ZCWPW2: variants seen among roughly 807,000 people sequenced by gnomAD.
ZCWPW2 encodes the protein zinc finger CW-type and PWWP domain containing 2.
In ZCWPW2, 45 loss-of-function variants were observed where a neutral mutation model predicts 46.6. The observed-to-expected ratio is 0.96, with a 90% confidence interval of 0.76 to 1.24. The LOEUF (loss-of-function observed/expected upper bound fraction) is 1.24. Ranked by LOEUF, ZCWPW2 falls within the 50% of genes most tolerant of loss-of-function variation. The probability of loss-of-function intolerance (pLI) is 0.00; values close to 1 mark genes in which losing one functional copy is unlikely to be tolerated. For missense variants in ZCWPW2, 429 were observed against 403.9 expected, an observed-to-expected ratio of 1.06 and a Z score of -0.53; for synonymous variants, 152 against 137.1, an observed-to-expected ratio of 1.11 and a Z score of -0.76.
At chr3:28,504,193 A>G (rs747517812) in intron 6 of ZCWPW2, among the ~76,000 whole-genome samples, 15 of 152,092 alleles carry the variant, frequency 9.9e-5, no homozygotes, top group Non-Finnish European at 1.5e-4. Flanking sequence ...GTGAGTCCCT[A>G]TCTCAAATAA....
intron 1 of ZCWPW2, among the ~76,000 whole-genome samples, chr3:28,382,246 G>A (rs1037596675): frequency 2.0e-5 from 3 of 151,580 alleles, no homozygotes; most frequent in Non-Finnish European, 4.4e-5. Context: ...GATCAACCCT[G>A]TTGACAGGAT....
chr3:28,506,333 T>C (rs1175421642), intron 6 of ZCWPW2, among the ~76,000 whole-genome samples: 1 of 151,988 alleles, frequency 6.6e-6, no homozygotes, highest in Non-Finnish European at 1.5e-5. Flanking sequence ...CACAGATTCC[T>C]GGGCCCAGTC....
At position 28,413,231 on chromosome 3, in the gene ZCWPW2, G is replaced by T; in HGVS notation, c.163G>T (p.Asp55Tyr). Residue 55 changes from aspartate to tyrosine, a missense_variant, in exon 3 of 10, where the codon GAT (aspartate) becomes TAT (tyrosine). By Grantham distance (160) the Asp-to-Tyr change is radical. Coordinates refer to ENST00000383768, the MANE Select transcript of ZCWPW2 (RefSeq NM_001040432.4). ...SSEDSAKVDH[D>Y]EPWYCFMNTD... ...TGAGGATTCAGCCAAGGTTGATCATGATGAACCATGGTACTGCTTCATGAA... is the reference window on the plus strand; with the variant it reads ...TGAGGATTCAGCCAAGGTTGATCATTATGAACCATGGTACTGCTTCATGAA... The T allele has an allele frequency of 6.2e-7, 1 of 1,613,360 alleles. No homozygotes were observed. Among genetic ancestry groups the T allele is most frequent in the Non-Finnish European group, 8.5e-7 (1 of 1,179,540 alleles).
chr3:28,482,550 G>A (rs900402171), intron 5 of ZCWPW2, among the ~76,000 whole-genome samples: 14 of 152,240 alleles, frequency 9.2e-5, no homozygotes, highest in Admixed American at 5.2e-4. Flanking sequence ...GGTGAGATAT[G>A]TTCAAATTTT....
chr3:28,457,676 G>C (rs1373019549), intron 4 of ZCWPW2, among the ~76,000 whole-genome samples: 2 of 152,134 alleles, frequency 1.3e-5, no homozygotes, highest in African/African-American at 2.4e-5. Context: ...ATGCTCATTT[G>C]CTTCTTGTGC....
rs542580753 is a variant in ZCWPW2, at chr3:28,413,623, T to C, written c.332+223T>C. Among the ~76,000 whole-genome samples the C allele has an allele frequency of 3.8e-4, 58 of 152,262 alleles. 1 individual carries two copies. The highest frequency in any genetic ancestry group is 3.8e-3 in the Admixed American group (58 of 15,282). The stretch of plus-strand genomic sequence containing the variant: ...TCCTCCCAATATAGGCAATTAAAGC[T>C]ATAAATTTTTCTCCAAGTAGTGTTG... On this transcript the variant is annotated intron_variant, in intron 3 of 9. Coordinates refer to ENST00000383768, the MANE Select transcript of ZCWPW2 (RefSeq NM_001040432.4).
At chr3:28,472,434 A>T (rs1699074326) in intron 4 of ZCWPW2, among the ~76,000 whole-genome samples, 1 of 152,218 alleles carries the variant, frequency 6.6e-6, no homozygotes, top group South Asian at 2.1e-4. Context: ...ATCTACAATG[A>T]GCTCATTTTT....
chr3:28,440,346 A>G (rs1251905271), intron 4 of ZCWPW2, among the ~76,000 whole-genome samples: 1 of 152,106 alleles, frequency 6.6e-6, no homozygotes, highest in Non-Finnish European at 1.5e-5. Flanking sequence ...TTGAACTAAG[A>G]CCTCTAGGCC....
At chr3:28,497,075 A>T (rs1022525861) in intron 6 of ZCWPW2, among the ~76,000 whole-genome samples, 2 of 150,090 alleles carry the variant, frequency 1.3e-5, no homozygotes, top group African/African-American at 2.4e-5. Context: ...ATACATAAGT[A>T]TTTATAGAAA....
At chr3:28,373,372 T>C (rs530297409) in intron 1 of ZCWPW2, among the ~76,000 whole-genome samples, 4 of 152,274 alleles carry the variant, frequency 2.6e-5, no homozygotes, top group African/African-American at 9.6e-5. Flanking sequence ...GATGATATCT[T>C]ATTGTGGTTT....
At chr3:28,359,637 A>G (rs1029263167) in intron 1 of ZCWPW2, among the ~76,000 whole-genome samples, 1 of 151,332 alleles carries the variant, frequency 6.6e-6, no homozygotes, top group Non-Finnish European at 1.5e-5. Flanking sequence ...AATGATTTTC[A>G]TCCTTACAAA....
chr3:28,395,819 C>G (rs1055447605), intron 2 of ZCWPW2, among the ~76,000 whole-genome samples: 2 of 151,960 alleles, frequency 1.3e-5, no homozygotes, highest in Non-Finnish European at 2.9e-5. Context: ...GTTATAGAGA[C>G]CTAATGTACA....
intron 4 of ZCWPW2, chr3:28,478,161 G>T (rs1182418751): frequency 6.2e-6 from 1 of 162,434 alleles, no homozygotes; most frequent in Non-Finnish European, 1.4e-5. Flanking sequence ...AGAAACTAGG[G>T]CACAGAAGGT....
At chr3:28,379,604 T>G (rs78338216) in intron 1 of ZCWPW2, among the ~76,000 whole-genome samples, 1 of 152,316 alleles carries the variant, frequency 6.6e-6, no homozygotes, top group South Asian at 2.1e-4. Flanking sequence ...CTCTGTTCTA[T>G]TTCCAAAACA....
intron 8 of ZCWPW2, among the ~76,000 whole-genome samples, chr3:28,519,551 A>G (rs546430890): frequency 2.0e-5 from 3 of 152,356 alleles, no homozygotes; most frequent in Admixed American, 2.0e-4. Flanking sequence ...TAAGTACTTT[A>G]GCAGAATTTA....
chr3:28,366,399 A>G (rs1484238418), intron 1 of ZCWPW2, among the ~76,000 whole-genome samples: 1 of 101,250 alleles, frequency 9.9e-6, no homozygotes, highest in Non-Finnish European at 2.0e-5. Context: ...TATTGAGATA[A>G]TCATATGGTT....
At chr3:28,356,086 T>A (rs1347716598) in intron 1 of ZCWPW2, among the ~76,000 whole-genome samples, 1 of 152,070 alleles carries the variant, frequency 6.6e-6, no homozygotes, top group African/African-American at 2.4e-5. Flanking sequence ...GGGAGAAAAT[T>A]TTTGCAATCT....
chr3:28,380,274 A>G lies in ZCWPW2; in HGVS notation c.-133-10224A>G, dbSNP rs138265935. Among the ~76,000 whole-genome samples the G allele has an allele frequency of 7.6e-3, 1,157 of 151,638 alleles. 15 individuals carry two copies. Among genetic ancestry groups the G allele is most frequent in the African/African-American group, 0.026 (1,063 of 41,356 alleles). ...GCTGGGATTACAGGCATGAGCCACCACGCCCGGCCAGTTTATTTTTTTTTA... is the reference window on the plus strand; with the variant it reads ...GCTGGGATTACAGGCATGAGCCACCGCGCCCGGCCAGTTTATTTTTTTTTA... On this transcript the variant is annotated intron_variant, in intron 1 of 9. Transcript: ENST00000383768.
At chr3:28,356,940 A>G (rs1704755554) in intron 1 of ZCWPW2, among the ~76,000 whole-genome samples, 1 of 152,186 alleles carries the variant, frequency 6.6e-6, no homozygotes, top group African/African-American at 2.4e-5. Context: ...CCAACATGGC[A>G]TATGTATACA....
Sources: allele counts gnomAD v4.1 joint callset (sites outside exome capture counted in the v4.1 genomes callset), GRCh38; gene constraint gnomAD v4.1.1; transcripts MANE v1.5; gene names NCBI Gene and HGNC (gene_info 2026-07-23, HGNC 2026-07-21).